The following LIMS1 variants were observed in gnomAD, a reference collection of about 807,000 sequenced individuals.
The protein encoded by LIMS1 is LIM zinc finger domain containing 1.
LIMS1 carries 18 observed loss-of-function variants against 44.1 expected under a neutral mutation model. That is an observed-to-expected ratio of 0.41 (90% CI 0.28 to 0.61). LIMS1 has a LOEUF of 0.61. Ranked by LOEUF, LIMS1 falls within the 20% of genes least tolerant of loss-of-function variation. The pLI is 0.32. For synonymous variants in LIMS1, 93 were observed against 149.1 expected (o/e 0.62, Z 2.74); for missense variants, 201 against 422.0 (o/e 0.48, Z 4.59).
chr2:108,551,448 AAT>A (rs946657809), intron 1 of LIMS1, among the ~76,000 whole-genome samples: 8 of 145,222 alleles, frequency 5.5e-5, no homozygotes, highest in African/African-American at 2.0e-4. Flanking sequence ...TAGTATATAT[AAT>A]ATATAGTTAG....
intron 1 of LIMS1, among the ~76,000 whole-genome samples, chr2:108,583,621 A>G (rs1050504098): frequency 1.1e-4 from 16 of 152,018 alleles, no homozygotes; most frequent in African/African-American, 3.4e-4. Flanking sequence ...GCATTGAACA[A>G]ATTTTTTAAA....
intron 1 of LIMS1, among the ~76,000 whole-genome samples, chr2:108,540,193 C>CTTTTTTTTTT (rs34386092): frequency 2.1e-5 from 2 of 93,310 alleles, no homozygotes; most frequent in African/African-American, 4.0e-5. Flanking sequence ...GTACAGATTC[C>CTTTTTTTTTT]TTTTTTTTTT....
chr2:108,589,965 T>C (rs1686298350), intron 1 of LIMS1, among the ~76,000 whole-genome samples: 1 of 152,190 alleles, frequency 6.6e-6, no homozygotes, highest in Non-Finnish European at 1.5e-5. Context: ...GAGAAGAATA[T>C]GTATTCTGTT....
chr2:108,580,092 A>G (rs1458953080), intron 1 of LIMS1, among the ~76,000 whole-genome samples: 2 of 152,198 alleles, frequency 1.3e-5, no homozygotes, highest in African/African-American at 4.8e-5. Flanking sequence ...AGAAGCTTCA[A>G]AGAAATTTAC....
chr2:108,582,516 C>T (rs896986964), intron 1 of LIMS1, among the ~76,000 whole-genome samples: 2 of 152,176 alleles, frequency 1.3e-5, no homozygotes, highest in Admixed American at 6.5e-5. Flanking sequence ...CACATGTAAT[C>T]CCAGCACTTT....
chr2:108,683,580 T>A (rs826589), intron 9 of LIMS1, among the ~76,000 whole-genome samples: 148,802 of 148,806 alleles, frequency 1, 74,399 homozygotes, highest in Non-Finnish European at 1. Flanking sequence ...GTACTTAAGT[T>A]AATTATATTT....
At chr2:108,617,266 T>A (rs1180991255) in intron 1 of LIMS1, among the ~76,000 whole-genome samples, 1 of 152,350 alleles carries the variant, frequency 6.6e-6, no homozygotes, top group Admixed American at 6.5e-5. Flanking sequence ...AGGGGTTAAT[T>A]GCAACAGGAT....
At chr2:108,572,950 C>G (rs1685534863) in intron 1 of LIMS1, among the ~76,000 whole-genome samples, 1 of 152,176 alleles carries the variant, frequency 6.6e-6, no homozygotes, top group African/African-American at 2.4e-5. Context: ...TGTTGCTGTT[C>G]CGCAGCTTCC....
At chr2:108,631,785 G>T (rs145452976) in intron 1 of LIMS1, among the ~76,000 whole-genome samples, 40 of 152,316 alleles carry the variant, frequency 2.6e-4, no homozygotes, top group African/African-American at 8.7e-4. Context: ...CCCTGGGTCT[G>T]GGAGCAGTGG....
rs541658774 is a variant in LIMS1 at position 108,671,048 on chromosome 2, G to A, written c.259+201G>A. 2.5e-4 allele frequency: 148 copies of A among 597,336 alleles called. No individual in the cohort carries two copies. The African/African-American group carries it at 2.6e-3, about 10-fold the overall frequency. The allele number at this position is 597,336 out of a possible 1,614,324, so 37.0% of individuals were successfully genotyped here. ...TAACTGGGCATGGTGGCAGGTGCCA[G>A]TAATCCCAGTTATTCAAGAGGCTGA... On this transcript the variant is annotated intron_variant, in intron 3 of 9. Transcript: ENST00000544547.
At chr2:108,577,978 C>T (rs1267479853) in intron 1 of LIMS1, among the ~76,000 whole-genome samples, 13 of 152,166 alleles carry the variant, frequency 8.5e-5, no homozygotes, top group African/African-American at 2.9e-4. Context: ...GGCACAGTCT[C>T]GGCTCACTGC....
intron 1 of LIMS1, among the ~76,000 whole-genome samples, chr2:108,610,186 G>A (rs1687522534): frequency 9.9e-6 from 1 of 101,350 alleles, no homozygotes; most frequent in Admixed American, 1.2e-4. Context: ...GTGTGTGTGT[G>A]TGTGTGTGTA....
At chr2:108,630,804 G>A (rs1173016065) in intron 1 of LIMS1, among the ~76,000 whole-genome samples, 1 of 152,192 alleles carries the variant, frequency 6.6e-6, no homozygotes, top group East Asian at 1.9e-4. Context: ...TTTGGAGGTT[G>A]AGTGGGACGA....
intron 1 of LIMS1, among the ~76,000 whole-genome samples, chr2:108,581,703 C>T (rs892040306): frequency 1.3e-4 from 20 of 152,010 alleles, no homozygotes; most frequent in African/African-American, 4.6e-4. Flanking sequence ...TTTGGGAGGC[C>T]GAGGCAGGCA....
intron 1 of LIMS1, among the ~76,000 whole-genome samples, chr2:108,558,179 G>A (rs1447980075): frequency 6.6e-6 from 1 of 151,706 alleles, no homozygotes; most frequent in African/African-American, 2.4e-5. Context: ...TGAACTTGTA[G>A]TATCGGTTAT....
intron 1 of LIMS1, among the ~76,000 whole-genome samples, chr2:108,560,268 T>G (rs1448552420): frequency 6.6e-6 from 1 of 152,140 alleles, no homozygotes; most frequent in Non-Finnish European, 1.5e-5. Context: ...TTGTTAAAAT[T>G]TACTAAGTCA....
chr2:108,631,642 A>C (rs1304312010), intron 1 of LIMS1, among the ~76,000 whole-genome samples: 1 of 150,150 alleles, frequency 6.7e-6, no homozygotes, highest in African/African-American at 2.5e-5. Flanking sequence ...CCTGATTACT[A>C]CTTTACTTAC....
chr2:108,651,574 A>G (rs1355633805), intron 1 of LIMS1, among the ~76,000 whole-genome samples: 4 of 152,298 alleles, frequency 2.6e-5, no homozygotes, highest in Admixed American at 2.6e-4. Context: ...ACCTTTGATC[A>G]TAAAACCAGG....
In LIMS1 at chr2:108,554,557, A is replaced by G. The variant is rs531695141; in HGVS notation, c.32+19963A>G. Among the ~76,000 whole-genome samples, 16 of 152,302 alleles carry G rather than the reference A, an allele frequency of 1.1e-4. 1 individual carries two copies. The highest frequency in any genetic ancestry group is 8.3e-4 in the South Asian group (4 of 4,834). On this transcript the variant is annotated intron_variant, in intron 1 of 9. Coordinates refer to ENST00000544547, the Ensembl canonical transcript of LIMS1. ...CTTGCCATTAGAGCTAGAGTATATT[A>G]TTTATCACCATTGATTATTTTGCCA...
Sources: gnomAD v4.1 joint callset for allele counts (sites outside exome capture counted in the v4.1 genomes callset) on GRCh38, gnomAD v4.1.1 for gene constraint, MANE v1.5 for transcripts, NCBI Gene and HGNC (gene_info 2026-07-23, HGNC 2026-07-21) for gene names.